The following PACRGL variants were observed in gnomAD, a reference collection of about 807,000 sequenced individuals.
PACRGL encodes the protein PACRG-like protein.
Under a neutral mutation model 34.5 loss-of-function variants are expected in PACRGL, and 38 were observed. The ratio of observed to expected loss-of-function variants is 1.10; its 90% CI spans 0.85 to 1.44. PACRGL has a LOEUF of 1.44. PACRGL is among the 40% of genes most tolerant of loss of function. The pLI is 0.00. For synonymous variants in PACRGL, 128 were observed against 100.1 expected (o/e 1.28, Z -1.66); for missense variants, 305 against 281.4 (o/e 1.08, Z -0.60).
upstream of PACRGL, among the ~76,000 whole-genome samples, chr4:20,697,591 T>G (rs1731295418): frequency 6.6e-6 from 1 of 152,174 alleles, no homozygotes; most frequent in Non-Finnish European, 1.5e-5. Flanking sequence ...CCTCTGAGAT[T>G]TTGTGCCTAG....
intron 8 of PACRGL, among the ~76,000 whole-genome samples, chr4:20,726,759 T>A (rs2149212973): frequency 6.6e-6 from 1 of 152,344 alleles, no homozygotes; most frequent in East Asian, 1.9e-4. Flanking sequence ...AGAACTGATC[T>A]GCCTTAAATT....
At chr4:20,697,967 A>G (rs1731311766), upstream of PACRGL, among the ~76,000 whole-genome samples, 1 of 152,178 alleles carries the variant, frequency 6.6e-6, no homozygotes, top group Admixed American at 6.5e-5. Flanking sequence ...ATTTTGGAGG[A>G]ACAGAAACAA....
intron 4 of PACRGL, among the ~76,000 whole-genome samples, chr4:20,708,962 A>C (rs1735813376): frequency 8.8e-6 from 1 of 113,952 alleles, no homozygotes; most frequent in South Asian, 2.8e-4. Flanking sequence ...CCCCATCTCT[A>C]CTTAAAAAAA....
intron 8 of PACRGL, among the ~76,000 whole-genome samples, chr4:20,746,129 A>G (rs1264902323): frequency 3.9e-5 from 6 of 152,136 alleles, no homozygotes; most frequent in Admixed American, 2.6e-4. Context: ...AACCAACCCA[A>G]ATGTCCATCA....
intron 7 of PACRGL, among the ~76,000 whole-genome samples, chr4:20,717,703 A>G (rs1167197585): frequency 6.6e-6 from 1 of 152,094 alleles, no homozygotes; most frequent in Non-Finnish European, 1.5e-5. Context: ...ATCTCTGTTT[A>G]GGTACCAGTA....
chr4:20,729,505 T>TAAAAATGCCAGATAAAACTA lies in PACRGL; in HGVS notation c.*2166_*2185dup, dbSNP rs1553881638. 1.3e-5 allele frequency: 2 copies of TAAAAATGCCAGATAAAACTA among 148,758 alleles called. No homozygotes were observed. Among genetic ancestry groups the TAAAAATGCCAGATAAAACTA allele is most frequent in the Admixed American group, 6.7e-5 (1 of 14,994 alleles). The allele number at this position is 148,758 out of a possible 1,614,324, so 9.2% of individuals were successfully genotyped here. On this transcript the variant is annotated 3_prime_UTR_variant, in exon 9 of 9. Transcript: ENST00000503585. ...AAATGTTTAATAATTTTTAAATGTT[T>TAAAAATGCCAGATAAAACTA]AAAAATGCCAGATAAAACTAATTTC...
chr4:20,766,976 A>G, the PACRGL span: 1 of 152,176 alleles, frequency 6.6e-6, no homozygotes, highest in Non-Finnish European at 1.5e-5. Context: ...GAGAGCTGCT[A>G]TAAGAATGAA....
upstream of PACRGL, among the ~76,000 whole-genome samples, chr4:20,698,635 C>G (rs776621802): frequency 2.0e-5 from 3 of 152,158 alleles, no homozygotes; most frequent in Non-Finnish European, 2.9e-5. Context: ...TGCCAAGGAG[C>G]ATGTTTTCTG....
chr4:20,760,925 C>G, the PACRGL span, among the ~76,000 whole-genome samples: 1 of 152,182 alleles, frequency 6.6e-6, no homozygotes, highest in African/African-American at 2.4e-5. Flanking sequence ...AGTGTTTGGT[C>G]AAGCATTATT....
chr4:20,759,628 T>C, the PACRGL span, among the ~76,000 whole-genome samples: 4 of 145,286 alleles, frequency 2.8e-5, no homozygotes, highest in Non-Finnish European at 4.5e-5. Context: ...AGAGTGGTTT[T>C]GGCATTTTTG....
Position 20,705,504 on chromosome 4 carries a change from C to T in PACRGL, c.207+690C>T, listed in dbSNP as rs549340462. Among the ~76,000 whole-genome samples the T allele has an allele frequency of 5.3e-5, 8 of 152,050 alleles. 1 individual carries two copies. The South Asian group carries it at 1.5e-3, about 28-fold the overall frequency. ...AGCTCTCCAAGACAGAAGGAGTGTC[C>T]GACTGGATAAAAGCAAAGTGACAAA... On this transcript the variant is annotated intron_variant, in intron 3 of 8. Coordinates refer to ENST00000503585, the MANE Select transcript of PACRGL (RefSeq NM_001258345.3).
the PACRGL span, among the ~76,000 whole-genome samples, chr4:20,761,908 A>C: frequency 6.6e-6 from 1 of 152,140 alleles, no homozygotes; most frequent in Non-Finnish European, 1.5e-5. Context: ...TTACATCTCT[A>C]CAAACACATA....
chr4:20,699,260 C>T (rs1223944062), upstream of PACRGL, among the ~76,000 whole-genome samples: 1 of 151,496 alleles, frequency 6.6e-6, no homozygotes, highest in Non-Finnish European at 1.5e-5. Context: ...CTTTTAAAAA[C>T]GTTAGTTAAG....
chr4:20,705,044 G>C (rs1268717753), intron 3 of PACRGL, among the ~76,000 whole-genome samples: 1 of 152,182 alleles, frequency 6.6e-6, no homozygotes, highest in Non-Finnish European at 1.5e-5. Context: ...TCGCATTGTA[G>C]TGCATAGAAA....
At chr4:20,718,100 G>A (rs1560340866) in intron 7 of PACRGL, among the ~76,000 whole-genome samples, 1 of 152,116 alleles carries the variant, frequency 6.6e-6, no homozygotes, top group Non-Finnish European at 1.5e-5. Context: ...TGAGGCAGTT[G>A]TGAATGGGAG....
intron 3 of PACRGL, among the ~76,000 whole-genome samples, chr4:20,707,553 T>G (rs1735080164): frequency 6.6e-6 from 1 of 152,192 alleles, no homozygotes. Context: ...GGGAAGAAGG[T>G]AGAAAGAACT....
chr4:20,705,794 A>C (rs11942533), intron 3 of PACRGL, among the ~76,000 whole-genome samples: 163 of 151,402 alleles, frequency 1.1e-3, no homozygotes, highest in African/African-American at 3.8e-3. Context: ...GACCCGAGAA[A>C]AGCATGTGTA....
intron 7 of PACRGL, among the ~76,000 whole-genome samples, chr4:20,717,547 C>T (rs1740724145): frequency 1.3e-5 from 2 of 152,288 alleles, no homozygotes; most frequent in Middle Eastern, 3.4e-3. Flanking sequence ...CAGCTTTCTC[C>T]ATATGGCTAG....
chr4:20,702,533 A>G, intron 1 of PACRGL: 1 of 173,298 alleles, frequency 5.8e-6, no homozygotes, highest in South Asian at 1.3e-4. Flanking sequence ...CATGCCTCCC[A>G]TTATGGAAAT....
Sources: allele counts gnomAD v4.1 joint callset (sites outside exome capture counted in the v4.1 genomes callset), GRCh38; gene constraint gnomAD v4.1.1; transcripts MANE v1.5; gene names NCBI Gene and HGNC (gene_info 2026-07-23, HGNC 2026-07-21).